Variants in BMPR1A observed in about 807,000 individuals in gnomAD.
BMPR1A encodes bone morphogenetic protein receptor type 1A.
BMPR1A carries 7 observed loss-of-function variants against 66.0 expected under a neutral mutation model. The ratio of observed to expected loss-of-function variants is 0.11; its 90% CI spans 0.06 to 0.20. The LOEUF (loss-of-function observed/expected upper bound fraction) is 0.20, where lower values mean the gene tolerates loss of function less well. Among genes scored for constraint, BMPR1A ranks in the 10% least tolerant of loss-of-function variants. The pLI, the probability that BMPR1A is intolerant of heterozygous loss-of-function variation, is 1.00. For missense variants in BMPR1A, 408 were observed against 669.1 expected (o/e 0.61, Z 4.31); for synonymous variants, 200 against 229.7 (o/e 0.87, Z 1.17).
intron 8 of BMPR1A, among the ~76,000 whole-genome samples, chr10:86,914,115 AT>A (rs1177161985): frequency 6.6e-6 from 1 of 151,090 alleles, no homozygotes; most frequent in African/African-American, 2.5e-5. Flanking sequence ...TGGTTAATTG[AT>A]TAAAAAAAAA....
chr10:86,837,535 A>T (rs1462538532), intron 1 of BMPR1A, among the ~76,000 whole-genome samples: 1 of 152,196 alleles, frequency 6.6e-6, no homozygotes, highest in Non-Finnish European at 1.5e-5. Context: ...AAATCTCTTT[A>T]TGCCATTTCT....
At chr10:86,879,848 G>A (rs891946579) in intron 3 of BMPR1A, among the ~76,000 whole-genome samples, 6 of 152,220 alleles carry the variant, frequency 3.9e-5, no homozygotes, top group African/African-American at 1.4e-4. Flanking sequence ...CTTCCATTCA[G>A]AGGAAGAAAA....
chr10:86,833,261 G>A (rs1842298592), intron 1 of BMPR1A, among the ~76,000 whole-genome samples: 1 of 152,206 alleles, frequency 6.6e-6, no homozygotes, highest in East Asian at 1.9e-4. Flanking sequence ...TGGCTGTATA[G>A]TGTATCTCAT....
intron 2 of BMPR1A, among the ~76,000 whole-genome samples, chr10:86,858,322 G>A (rs536693767): frequency 4.6e-5 from 7 of 152,190 alleles, no homozygotes; most frequent in East Asian, 1.9e-4. Context: ...CTTTCTGTAC[G>A]TAATATGATT....
chr10:86,877,860 T>C (rs1451214519), intron 3 of BMPR1A, among the ~76,000 whole-genome samples: 1 of 152,224 alleles, frequency 6.6e-6, no homozygotes, highest in Non-Finnish European at 1.5e-5. Flanking sequence ...GTAGGCAATA[T>C]GATACAAAAT....
rs1279175239 is a variant in BMPR1A, at chr10:86,926,528, A to C, written c.*2809A>C. Reference sequence around the variant, plus strand: ...GAGCGAAACTCCATCTCAAATAAACAAACAAATAAATAACAAAAAACAAAA... The same window carrying C: ...GAGCGAAACTCCATCTCAAATAAACCAACAAATAAATAACAAAAAACAAAA... On this transcript the variant is annotated 3_prime_UTR_variant, in exon 13 of 13. Coordinates refer to ENST00000372037, the MANE Select transcript of BMPR1A (RefSeq NM_004329.3). 2 of 172,012 alleles carry C rather than the reference A, an allele frequency of 1.2e-5. No individual in the cohort carries two copies. The highest frequency in any genetic ancestry group is 2.5e-5 in the Non-Finnish European group (2 of 79,298). The allele number at this position is 172,012 out of a possible 1,614,324, so 10.7% of individuals were successfully genotyped here.
chr10:86,780,871 G>A (rs762165452), intron 1 of BMPR1A, among the ~76,000 whole-genome samples: 13 of 145,964 alleles, frequency 8.9e-5, no homozygotes, highest in Non-Finnish European at 1.2e-4. Context: ...AAAAATAATC[G>A]TGTGAAATCA....
At chr10:86,765,026 C>T (rs553946800) in intron 1 of BMPR1A, among the ~76,000 whole-genome samples, 43 of 151,776 alleles carry the variant, frequency 2.8e-4, no homozygotes, top group African/African-American at 9.2e-4. Context: ...GCCTGGGTAA[C>T]GTGGTGAGAC....
At chr10:86,914,880 C>T (rs1487956807) in intron 8 of BMPR1A, among the ~76,000 whole-genome samples, 1 of 152,172 alleles carries the variant, frequency 6.6e-6, no homozygotes, top group Non-Finnish European at 1.5e-5. Flanking sequence ...GATATGAAAA[C>T]TTGTCCACAC....
intron 1 of BMPR1A, among the ~76,000 whole-genome samples, chr10:86,788,120 T>G (rs1306219858): frequency 6.6e-6 from 1 of 152,218 alleles, no homozygotes; most frequent in Non-Finnish European, 1.5e-5. Context: ...ACTATATTCC[T>G]AATCTAACTA....
chr10:86,874,164 G>A (rs1842888589), intron 2 of BMPR1A, among the ~76,000 whole-genome samples: 1 of 152,174 alleles, frequency 6.6e-6, no homozygotes, highest in African/African-American at 2.4e-5. Context: ...TGGGGGTAAA[G>A]TAGAATGATA....
chr10:86,884,065 C>T (rs1342956824), intron 3 of BMPR1A, among the ~76,000 whole-genome samples: 8 of 151,790 alleles, frequency 5.3e-5, no homozygotes, highest in East Asian at 2.0e-4. Flanking sequence ...AGTAGGGTTT[C>T]GCCATGTTGG....
intron 2 of BMPR1A, chr10:86,855,132 A>G (rs948271987): frequency 5.9e-6 from 2 of 341,580 alleles, no homozygotes; most frequent in Non-Finnish European, 5.4e-6. Context: ...AGGGTTTCAC[A>G]TCAGGTCTCG....
chr10:86,831,315 C>T (rs1011868574), intron 1 of BMPR1A, among the ~76,000 whole-genome samples: 4 of 151,558 alleles, frequency 2.6e-5, no homozygotes, highest in African/African-American at 4.9e-5. Flanking sequence ...TTTTTTTCTT[C>T]GATATTTGGG....
intron 1 of BMPR1A, among the ~76,000 whole-genome samples, chr10:86,824,080 GTT>G (rs201082011): frequency 1.5e-5 from 1 of 67,410 alleles, no homozygotes; most frequent in African/African-American, 6.8e-5. Flanking sequence ...ATTACCAAGG[GTT>G]GTGTGTGTGT....
intron 1 of BMPR1A, among the ~76,000 whole-genome samples, chr10:86,818,277 A>T (rs977631702): frequency 3.3e-5 from 5 of 152,180 alleles, no homozygotes; most frequent in African/African-American, 1.2e-4. Context: ...TCGGCCTCCA[A>T]AAGTGCTGGG....
At chr10:86,782,559 A>G (rs758117901) in intron 1 of BMPR1A, among the ~76,000 whole-genome samples, 1 of 151,776 alleles carries the variant, frequency 6.6e-6, no homozygotes, top group Non-Finnish European at 1.5e-5. Flanking sequence ...GTGAGGTGAT[A>G]CCTCAGTGTG....
chr10:86,890,368 G>A (rs1843131196), intron 4 of BMPR1A, 144 bp downstream of exon 4: 2 of 906,330 alleles, frequency 2.2e-6, no homozygotes, highest in Non-Finnish European at 3.4e-6. Context: ...CTTTTGTTTT[G>A]TATATTAGAA....
At chr10:86,811,994 T>C (rs1841978717) in intron 1 of BMPR1A, among the ~76,000 whole-genome samples, 1 of 151,596 alleles carries the variant, frequency 6.6e-6, no homozygotes, top group African/African-American at 2.4e-5. Flanking sequence ...GATGAGAGGA[T>C]TGTTTGAGCC....
Sources: gnomAD v4.1 joint callset for allele counts (sites outside exome capture counted in the v4.1 genomes callset) on GRCh38, gnomAD v4.1.1 for gene constraint, MANE v1.5 for transcripts, NCBI Gene and HGNC (gene_info 2026-07-23, HGNC 2026-07-21) for gene names.